The following ETFDH variants were observed in gnomAD, a reference collection of about 807,000 sequenced individuals.
ETFDH encodes electron transfer flavoprotein-ubiquinone oxidoreductase, mitochondrial.
A neutral mutation model predicts 73.2 loss-of-function variants in ETFDH; 61 were observed. The observed-to-expected ratio is 0.83, with a 90% CI of 0.68 to 1.03. The LOEUF (loss-of-function observed/expected upper bound fraction) is 1.03. Among genes scored for constraint, ETFDH ranks in the 50% least tolerant of loss-of-function variants. ETFDH has a pLI of 0.00. For synonymous variants in ETFDH, 243 were observed against 253.3 expected (o/e 0.96, Z 0.39); for missense variants, 685 against 745.0 (o/e 0.92, Z 0.94).
At chr4:158,706,110 T>C in intron 10 of ETFDH, 79 bp from the exon 11 acceptor site, 1 of 1,000,154 alleles carries the variant, frequency 1.0e-6, no homozygotes, top group Non-Finnish European at 1.6e-6. Context: ...TCATCAGCTA[T>C]CAAAGTAGCA....
chr4:158,697,883 A>G (rs1289294159), intron 8 of ETFDH, among the ~76,000 whole-genome samples, 184 bp downstream of exon 8: 1 of 152,256 alleles, frequency 6.6e-6, no homozygotes, highest in African/African-American at 2.4e-5. Flanking sequence ...ACGTAGCAAT[A>G]GCAATAGTAG....
intron 5 of ETFDH, among the ~76,000 whole-genome samples, chr4:158,686,542 A>G (rs1438925602): frequency 1.3e-5 from 2 of 152,202 alleles, no homozygotes; most frequent in Non-Finnish European, 2.9e-5. Flanking sequence ...CTTTTTGTGT[A>G]GCATTTCTTC....
At chr4:158,676,124 T>G (rs1773705646) in intron 1 of ETFDH, among the ~76,000 whole-genome samples, 1 of 152,218 alleles carries the variant, frequency 6.6e-6, no homozygotes, top group Non-Finnish European at 1.5e-5. Context: ...ATAGTTTTAT[T>G]ACTCAAATCA....
intron 5 of ETFDH, among the ~76,000 whole-genome samples, chr4:158,688,317 G>T (rs1346685340): frequency 6.7e-6 from 1 of 149,660 alleles, no homozygotes; most frequent in Non-Finnish European, 1.5e-5. Flanking sequence ...ACTTGAACCC[G>T]GGAGGCAGAG....
chr4:158,684,540 T>A (rs1773950156), intron 3 of ETFDH, 52 bp from the exon 4 acceptor site: 1 of 1,022,890 alleles, frequency 9.8e-7, no homozygotes, highest in East Asian at 2.4e-5. Flanking sequence ...TATTTATATT[T>A]ACACTTGCAA....
intron 1 of ETFDH, among the ~76,000 whole-genome samples, chr4:158,678,122 A>G (rs1773757542): frequency 6.6e-6 from 1 of 152,232 alleles, no homozygotes; most frequent in African/African-American, 2.4e-5. Flanking sequence ...CCATAGTATA[A>G]TTATCAAAAC....
At chr4:158,680,858 A>G (rs575206334) in intron 2 of ETFDH, among the ~76,000 whole-genome samples, 14 of 152,280 alleles carry the variant, frequency 9.2e-5, no homozygotes, top group Admixed American at 7.8e-4. Context: ...CTTCCAGACC[A>G]TCGTAGCTCA....
rs760578708 is a variant in ETFDH at position 158,708,399 on chromosome 4, G to A, written c.1726G>A (p.Gly576Arg). The change falls in exon 13 of 13, where the codon GGA (glycine) becomes AGA (arginine). Residue 576 changes from glycine to arginine, a missense_variant. This residue lies in a region of ETFDH where 201 missense variants were observed against 225.2 expected (regional missense o/e 0.89). Transcript: ENST00000511912. The stretch of plus-strand genomic sequence containing the variant: ...ATTTGTACCTGTGGAACAAGGTGAT[G>A]GATTTCGGTTACAGATAAATGCTCA... Reference protein sequence around the residue: ...YEFVPVEQGDGFRLQINAQNC... With the variant: ...YEFVPVEQGDRFRLQINAQNC... 5.6e-6 allele frequency: 9 copies of A among 1,612,290 alleles called. No homozygotes were observed. The highest frequency in any genetic ancestry group is 7.6e-6 in the Non-Finnish European group (9 of 1,178,394).
At chr4:158,704,432 C>T (rs73858522) in intron 10 of ETFDH, among the ~76,000 whole-genome samples, 2,393 of 152,308 alleles carry the variant, frequency 0.016, 57 homozygotes, top group African/African-American at 0.053. Context: ...GCCAAGCACT[C>T]CCACCTCATG....
chr4:158,675,480 C>T (rs78099031), intron 1 of ETFDH, among the ~76,000 whole-genome samples: 1,769 of 152,204 alleles, frequency 0.012, 27 homozygotes, highest in African/African-American at 0.038. Flanking sequence ...AATAATTCAG[C>T]TGTTGGTCAG....
Position 158,697,616 on chromosome 4 carries a change from T to C in ETFDH, c.889T>C (p.Trp297Arg). The change falls in exon 8 of 13, where the codon TGG becomes CGG. Residue 297 changes from tryptophan to arginine, a missense_variant. By Grantham distance (101) the Trp-to-Arg change is moderately radical. Around this residue, in one of 3 missense-constraint regions of ETFDH, gnomAD observed 405 missense variants for 399.3 expected, o/e 1.01. Transcript: ENST00000511912. The stretch of plus-strand genomic sequence containing the variant: ...TGGGAGAGTAGATCACACTGTTGGT[T>C]GGCCCTTGGACAGACATACCTATGG... ...KPGRVDHTVG[W>R]PLDRHTYGGS... is the part of the protein sequence containing the mutation. 6.2e-7 allele frequency: 1 copy of C among 1,608,742 alleles called. No homozygotes were observed. Among genetic ancestry groups the C allele is most frequent in the Non-Finnish European group, 8.5e-7 (1 of 1,175,132 alleles).
chr4:158,705,132 G>A (rs1774573407), intron 10 of ETFDH, among the ~76,000 whole-genome samples: 1 of 152,190 alleles, frequency 6.6e-6, no homozygotes, highest in Non-Finnish European at 1.5e-5. Flanking sequence ...TCCACCAAAA[G>A]CCGTAAGGGA....
chr4:158,690,245 G>C, intron 5 of ETFDH, 103 bp from the exon 6 acceptor site: 1 of 728,404 alleles, frequency 1.4e-6, no homozygotes, highest in Non-Finnish European at 2.5e-6. Flanking sequence ...CTATAATCTA[G>C]AGAAGATGTT....
chr4:158,698,896 C>T, intron 8 of ETFDH, 91 bp from the exon 9 acceptor site: 1 of 904,538 alleles, frequency 1.1e-6, no homozygotes, highest in South Asian at 1.5e-5. Context: ...GAAATTTAAC[C>T]TACATGTTTT....
At chr4:158,698,934 T>C in intron 8 of ETFDH, 53 bp from the exon 9 acceptor site, 3 of 1,289,074 alleles carry the variant, frequency 2.3e-6, no homozygotes, top group Middle Eastern at 3.8e-4. Context: ...CATTTTAGCT[T>C]GATTTAATTT....
chr4:158,680,210 A>G (rs903783341), intron 1 of ETFDH: 8 of 386,026 alleles, frequency 2.1e-5, no homozygotes, highest in African/African-American at 1.4e-4. Context: ...TATTACTCTC[A>G]AAGTGTTCAG....
chr4:158,690,575 A>G (rs1489461991), intron 6 of ETFDH, 150 bp downstream of exon 6: 3 of 674,286 alleles, frequency 4.4e-6, no homozygotes, highest in Non-Finnish European at 8.2e-6. Flanking sequence ...GCTACTTTGG[A>G]GGCTGAAACA....
rs1193819543 is a variant in ETFDH at position 158,701,166 on chromosome 4, G to A, written c.1116+2036G>A. On this transcript the variant is annotated intron_variant, in intron 9 of 12. Coordinates refer to ENST00000511912, the MANE Select transcript of ETFDH (RefSeq NM_004453.4). Reference sequence around the variant, plus strand: ...TTAAAAACATACATTTTCCTTGGGCGTAATATTTTTATTCTTAGGATTTAA... The same window carrying A: ...TTAAAAACATACATTTTCCTTGGGCATAATATTTTTATTCTTAGGATTTAA... 2.6e-5 allele frequency among the ~76,000 whole-genome samples: 4 copies of A among 152,096 alleles called. No individual in the cohort carries two copies. The East Asian group carries it at 5.8e-4, about 22-fold the overall frequency.
rs1420973251 is a variant in ETFDH at position 158,703,394 on chromosome 4, A to G, written c.1117-29A>G. ...TTGTTCTTGTTTAATATGAACTAAC[A>G]AATGTATTCTGAATCTTTGTTTCCT... On this transcript the variant is annotated intron_variant, in intron 9 of 12. Coordinates refer to ENST00000511912, the MANE Select transcript of ETFDH (RefSeq NM_004453.4). 3.9e-6 allele frequency: 6 copies of G among 1,535,912 alleles called. No homozygotes were observed. The South Asian group carries it at 6.7e-5, about 17-fold the overall frequency.
Sources: allele counts gnomAD v4.1 joint callset (sites outside exome capture counted in the v4.1 genomes callset), GRCh38; gene constraint gnomAD v4.1.1; regional missense constraint gnomAD v4.1.1; transcripts MANE v1.5; gene names NCBI Gene and HGNC (gene_info 2026-07-23, HGNC 2026-07-21).